The following LRRTM4 variants were observed in gnomAD, a reference collection of about 807,000 sequenced individuals.
The protein encoded by LRRTM4 is leucine-rich repeat transmembrane neuronal protein 4.
In LRRTM4, 25 loss-of-function variants were observed where a neutral mutation model predicts 47.6. That is an observed-to-expected ratio of 0.53 (90% CI 0.38 to 0.73). The LOEUF is 0.73. LRRTM4 is among the 30% of genes least tolerant of loss of function. The probability of loss-of-function intolerance (pLI) is 0.00; values close to 1 mark genes in which losing one functional copy is unlikely to be tolerated. For synonymous variants in LRRTM4, 311 were observed against 269.5 expected (o/e 1.15, Z -1.51); for missense variants, 638 against 713.4 (o/e 0.89, Z 1.20).
chr2:76,872,696 C>T (rs1672659739), intron 3 of LRRTM4, among the ~76,000 whole-genome samples: 3 of 151,948 alleles, frequency 2.0e-5, no homozygotes. Context: ...GGATATTTGA[C>T]CCTCCAAACC....
At chr2:76,804,384 CACAT>C (rs1273475405) in intron 3 of LRRTM4, among the ~76,000 whole-genome samples, 1 of 151,958 alleles carries the variant, frequency 6.6e-6, no homozygotes, top group Non-Finnish European at 1.5e-5. Flanking sequence ...CATGAGAACA[CACAT>C]ACACACACAC....
Position 76,748,517 on chromosome 2 carries a change from G to A in LRRTM4, c.*178C>T. On this transcript the variant is annotated 3_prime_UTR_variant, in exon 4 of 4. Transcript: ENST00000409884. ...CAGTCCTCCCGGTAATGCTGCAGGT[G>A]CATTCGCTGCCCTCTTCAAGCAGTT... 1 of 598,462 alleles carries A rather than the reference G, an allele frequency of 1.7e-6. No individual in the cohort carries two copies. Among genetic ancestry groups the A allele is most frequent in the South Asian group, 2.1e-5 (1 of 48,404 alleles). The allele number at this position is 598,462 out of a possible 1,614,324, so 37.1% of individuals were successfully genotyped here. A position where few individuals can be genotyped will look rare whatever the true frequency, so the allele number is the denominator to read the frequency against.
rs71381260 is a variant in LRRTM4 at position 77,111,283 on chromosome 2, A to ATTTT, written c.1552-362371_1552-362368dup. 9.1e-3 allele frequency among the ~76,000 whole-genome samples: 1,028 copies of ATTTT among 113,018 alleles called. 16 individuals carry two copies. The highest frequency in any genetic ancestry group is 0.03 in the African/African-American group (840 of 27,568). 74.1% of individuals were successfully genotyped at this position (113,018 alleles called of 152,430 possible). Reference sequence around the variant, plus strand: ...CAGGTGTGTGTCACCACACCTGGCTATTTTTTTTTTTTTTTTTTTGTATTT... The same window carrying ATTTT: ...CAGGTGTGTGTCACCACACCTGGCTATTTTTTTTTTTTTTTTTTTTTTTGTATTT... On this transcript the variant is annotated intron_variant, in intron 3 of 3. Coordinates refer to ENST00000409884, the MANE Select transcript of LRRTM4 (RefSeq NM_001134745.3).
chr2:77,205,721 G>A (rs1674105075), intron 3 of LRRTM4, among the ~76,000 whole-genome samples: 1 of 152,128 alleles, frequency 6.6e-6, no homozygotes, highest in Non-Finnish European at 1.5e-5. Flanking sequence ...GCAGGTTTAG[G>A]TTATTCGAAA....
intron 3 of LRRTM4, among the ~76,000 whole-genome samples, chr2:77,429,195 A>G (rs547904845): frequency 3.0e-4 from 46 of 152,286 alleles, no homozygotes; most frequent in African/African-American, 1.1e-3. Flanking sequence ...AATGTGGGCA[A>G]GTGTGAAATA....
At chr2:76,849,717 A>G (rs866581806) in intron 3 of LRRTM4, among the ~76,000 whole-genome samples, 4 of 152,116 alleles carry the variant, frequency 2.6e-5, no homozygotes, top group African/African-American at 4.8e-5. Context: ...TTTAAAACAA[A>G]TGCTTGCGAA....
rs181064881 is a variant in LRRTM4, at chr2:77,230,743, A to G, written c.1551+287575T>C. Among the ~76,000 whole-genome samples the G allele has an allele frequency of 1.1e-3, 161 of 152,330 alleles. 2 individuals carry two copies. Among genetic ancestry groups the G allele is most frequent in the Non-Finnish European group, 3.7e-4 (25 of 68,016 alleles). ...TAAGTCCTCAGTTATTGTTGTAATA[A>G]TAATGTCAACATAGATTAAATGAAC... On this transcript the variant is annotated intron_variant, in intron 3 of 3. Coordinates refer to ENST00000409884, the MANE Select transcript of LRRTM4 (RefSeq NM_001134745.3).
chr2:77,091,180 CTACAGCTATATCT>C, intron 3 of LRRTM4, among the ~76,000 whole-genome samples: 9 of 151,588 alleles, frequency 5.9e-5, no homozygotes, highest in South Asian at 4.2e-4. Flanking sequence ...TATTCCTGGA[CTACAGCTATATCT>C]CATTGCCGCC....
intron 3 of LRRTM4, among the ~76,000 whole-genome samples, chr2:77,366,084 A>C (rs1225193503): frequency 6.6e-6 from 1 of 151,706 alleles, no homozygotes; most frequent in Non-Finnish European, 1.5e-5. Context: ...ATAAACATCA[A>C]TGAATATAAT....
At chr2:77,091,255 C>T (rs529409299) in intron 3 of LRRTM4, among the ~76,000 whole-genome samples, 2,555 of 150,498 alleles carry the variant, frequency 0.017, 12 homozygotes, top group Non-Finnish European at 0.027. Flanking sequence ...ATCCCCCCAC[C>T]TTAACCCACA....
At chr2:77,153,803 C>T (rs1034754467) in intron 3 of LRRTM4, among the ~76,000 whole-genome samples, 3 of 152,026 alleles carry the variant, frequency 2.0e-5, no homozygotes, top group Non-Finnish European at 4.4e-5. Flanking sequence ...CACTGTGAAG[C>T]CTTGTCAGGA....
rs562827347 is a variant in LRRTM4, at chr2:76,783,675, A to G, written c.1552-34759T>C. Among the ~76,000 whole-genome samples the G allele has an allele frequency of 4.6e-5, 7 of 152,332 alleles. No homozygotes were observed. In the South Asian group the frequency reaches 1.4e-3, roughly 32 times the overall value. ...TCCTGAATTAAAACTAATTCCGGGT[A>G]AAACTCAGGTTACTGAATTTATGAA... is the stretch of plus-strand genomic sequence containing the variant. On this transcript the variant is annotated intron_variant, in intron 3 of 3. Coordinates refer to ENST00000409884, the MANE Select transcript of LRRTM4 (RefSeq NM_001134745.3).
chr2:77,068,605 G>A (rs11892997), intron 3 of LRRTM4, among the ~76,000 whole-genome samples: 29,381 of 151,980 alleles, frequency 0.19, 3,007 homozygotes, highest in African/African-American at 0.26. Context: ...TGTTTTCAAC[G>A]TTCTTCTATG....
intron 3 of LRRTM4, among the ~76,000 whole-genome samples, chr2:76,865,114 T>C (rs1297457903): frequency 6.6e-6 from 1 of 152,138 alleles, no homozygotes; most frequent in Non-Finnish European, 1.5e-5. Context: ...GATAGCACAA[T>C]AAACACTTAC....
intron 3 of LRRTM4, among the ~76,000 whole-genome samples, chr2:76,890,088 G>C (rs1673203534): frequency 6.6e-6 from 1 of 151,740 alleles, no homozygotes; most frequent in South Asian, 2.1e-4. Context: ...AATAACTGTA[G>C]CACACACACT....
At position 77,518,651 on chromosome 2, in the gene LRRTM4, T is replaced by C. The variant is rs1468936050; in HGVS notation, c.1218A>G (p.Pro406=). 1.9e-6 allele frequency: 3 copies of C among 1,613,428 alleles called. No homozygotes were observed. Among genetic ancestry groups the C allele is most frequent in the South Asian group, 1.1e-5 (1 of 91,066 alleles). ...QSTFETPSPS[P]GFQIPGAEQE... ...GCTCTGCGCCAGGAATCTGAAACCC[T>C]GGGGAAGGGCTTGGTGTTTCAAAGG... is the stretch of plus-strand genomic sequence containing the variant. The change falls in exon 3 of 4, where the codon CCA becomes CCG. Residue 406 remains proline, a synonymous_variant. Coordinates refer to ENST00000409884, the MANE Select transcript of LRRTM4 (RefSeq NM_001134745.3).
At chr2:77,207,498 G>A (rs1039465987) in intron 3 of LRRTM4, among the ~76,000 whole-genome samples, 3 of 151,648 alleles carry the variant, frequency 2.0e-5, no homozygotes, top group African/African-American at 7.3e-5. Flanking sequence ...ATCAGAGTGA[G>A]CTTATAATTG....
chr2:76,990,419 T>G (rs180685739), intron 3 of LRRTM4, among the ~76,000 whole-genome samples: 5 of 151,824 alleles, frequency 3.3e-5, no homozygotes, highest in African/African-American at 1.2e-4. Flanking sequence ...TCATCTCCTA[T>G]GTAATAACAC....
chr2:76,942,198 C>T (rs1358870040), intron 3 of LRRTM4, among the ~76,000 whole-genome samples: 2 of 151,832 alleles, frequency 1.3e-5, no homozygotes, highest in African/African-American at 4.8e-5. Context: ...CTTGTAGATT[C>T]TGGATATTAG....
Sources: gnomAD v4.1 joint callset for allele counts (sites outside exome capture counted in the v4.1 genomes callset) on GRCh38, gnomAD v4.1.1 for gene constraint, MANE v1.5 for transcripts, NCBI Gene and HGNC (gene_info 2026-07-23, HGNC 2026-07-21) for gene names.